The following MIS18A variants were observed in gnomAD, a reference collection of about 807,000 sequenced individuals.
The protein encoded by MIS18A is protein Mis18-alpha.
A neutral mutation model predicts 25.0 loss-of-function variants in MIS18A; 14 were observed. That is an observed-to-expected ratio of 0.56 (90% CI 0.37 to 0.88). MIS18A has a LOEUF of 0.88. Ranked by LOEUF, MIS18A falls within the 40% of genes least tolerant of loss-of-function variation. The pLI, the probability that MIS18A is intolerant of heterozygous loss-of-function variation, is 0.00. For synonymous variants in MIS18A, 134 were observed against 118.6 expected, an observed-to-expected ratio of 1.13 and a Z score of -0.84; for missense variants, 292 against 290.8, an observed-to-expected ratio of 1.00 and a Z score of -0.03.
the MIS18A span, among the ~76,000 whole-genome samples, chr21:32,157,304 A>C: frequency 1 from 138,763 of 138,802 alleles, 69,363 homozygotes; most frequent in Middle Eastern, 1. Flanking sequence ...CTCCTGACTT[A>C]GTGATCCACC....
At chr21:32,241,893 T>C in the MIS18A span, among the ~76,000 whole-genome samples, 2 of 29,582 alleles carry the variant, frequency 6.8e-5, no homozygotes, top group South Asian at 3.6e-3. Context: ...GTTGTTGTTG[T>C]TGTTGAGACG....
the MIS18A span, among the ~76,000 whole-genome samples, chr21:32,163,377 C>G: frequency 1.3e-5 from 2 of 152,222 alleles, no homozygotes; most frequent in Non-Finnish European, 1.5e-5. Context: ...TCTTTTCCAT[C>G]ACTTTAGAAA....
At chr21:32,230,537 G>A in the MIS18A span, among the ~76,000 whole-genome samples, 3 of 152,162 alleles carry the variant, frequency 2.0e-5, no homozygotes, top group Non-Finnish European at 4.4e-5. Flanking sequence ...GTTACTGAAC[G>A]GAAGGGAGTC....
the MIS18A span, among the ~76,000 whole-genome samples, chr21:32,183,711 G>T: frequency 1.3e-5 from 2 of 152,120 alleles, no homozygotes; most frequent in East Asian, 3.9e-4. Context: ...AACAATATTT[G>T]CAGATCCATC....
the MIS18A span, among the ~76,000 whole-genome samples, chr21:32,240,445 C>T: frequency 6.6e-6 from 1 of 152,208 alleles, no homozygotes; most frequent in Non-Finnish European, 1.5e-5. Context: ...TCTTGGACTT[C>T]CCAGCCTCCA....
intron 1 of MIS18A, among the ~76,000 whole-genome samples, chr21:32,275,391 A>G (rs1388236502): frequency 6.6e-6 from 1 of 152,202 alleles, no homozygotes; most frequent in Non-Finnish European, 1.5e-5. Flanking sequence ...CAGATAGTGA[A>G]ATTGGGTTCC....
the MIS18A span, among the ~76,000 whole-genome samples, chr21:32,194,552 G>A: frequency 6.6e-6 from 1 of 151,934 alleles, no homozygotes; most frequent in Non-Finnish European, 1.5e-5. Context: ...CCAGCTACTC[G>A]GGAGGCTGAG....
At chr21:32,265,566 C>T (rs936672713), downstream of MIS18A, among the ~76,000 whole-genome samples, 6 of 152,238 alleles carry the variant, frequency 3.9e-5, no homozygotes, top group African/African-American at 1.2e-4. Context: ...GCTGCCTTCC[C>T]GCGGGGCAGG....
rs1325241970 is a variant in MIS18A, at chr21:32,274,870, T to C, written c.361A>G (p.Lys121Glu). 7 of 1,612,848 alleles carry C rather than the reference T, an allele frequency of 4.3e-6. No individual in the cohort carries two copies. Among genetic ancestry groups the C allele is most frequent in the Non-Finnish European group, 5.9e-6 (7 of 1,179,208 alleles). The change falls in exon 2 of 5, where the codon AAG (lysine) becomes GAG (glutamate). Residue 121 changes from lysine to glutamate, a missense_variant. Transcript: ENST00000290130. ...RCVSCNVSVDKEQKLSKREKE... is the reference protein window; with the variant it reads ...RCVSCNVSVDEEQKLSKREKE... The stretch of plus-strand genomic sequence containing the variant: ...TCACGTTTGGATAGCTTCTGTTCCT[T>C]ATCCACAGAAACATTACAGGAAACA...
the MIS18A span, among the ~76,000 whole-genome samples, chr21:32,194,798 C>G: frequency 2.0e-5 from 3 of 152,130 alleles, no homozygotes; most frequent in African/African-American, 7.2e-5. Flanking sequence ...AAACAGAAAG[C>G]CAAAAACTGC....
chr21:32,173,525 CA>C, the MIS18A span, among the ~76,000 whole-genome samples: 1 of 151,852 alleles, frequency 6.6e-6, no homozygotes, highest in East Asian at 1.9e-4. Flanking sequence ...TTATAATAGC[CA>C]AAAAGTGGAA....
the MIS18A span, among the ~76,000 whole-genome samples, chr21:32,237,057 C>G: frequency 6.6e-6 from 1 of 151,024 alleles, no homozygotes; most frequent in Non-Finnish European, 1.5e-5. Flanking sequence ...CAACACCCCC[C>G]ACCCCCGCCC....
chr21:32,259,087 C>G, the MIS18A span, among the ~76,000 whole-genome samples: 2 of 152,160 alleles, frequency 1.3e-5, no homozygotes, highest in South Asian at 4.1e-4. Flanking sequence ...TCGCCCAGGC[C>G]AGTCTCGAAC....
chr21:32,161,008 G>A, the MIS18A span, among the ~76,000 whole-genome samples: 1 of 152,134 alleles, frequency 6.6e-6, no homozygotes, highest in Non-Finnish European at 1.5e-5. Context: ...TGAGCAGAGG[G>A]GTAATTTTAA....
At position 32,270,505 on chromosome 21, in the gene MIS18A, C is replaced by A; in HGVS notation, c.426G>T (p.Ala142=). 4 of 1,597,508 alleles carry A rather than the reference C, an allele frequency of 2.5e-6. No individual in the cohort carries two copies. Among genetic ancestry groups the A allele is most frequent in the Non-Finnish European group, 3.4e-6 (4 of 1,174,008 alleles). The change falls in exon 3 of 5, where the codon GCG becomes GCT. Residue 142 remains alanine, a synonymous_variant. Transcript: ENST00000290130. ...NGCVLETLCC[A]GCSLNLGYVY... is the part of the protein sequence containing the mutation. ...CGTAGCCAAGATTGAGTGAGCACCC[C>A]GCGCAGCACAAAGTCTCAAGGACGC...
chr21:32,159,833 T>A, the MIS18A span, among the ~76,000 whole-genome samples: 1 of 152,224 alleles, frequency 6.6e-6, no homozygotes. Flanking sequence ...CAGAAAGGAA[T>A]GCTCAGGTGA....
At chr21:32,182,419 A>C in the MIS18A span, among the ~76,000 whole-genome samples, 1 of 152,228 alleles carries the variant, frequency 6.6e-6, no homozygotes. Context: ...AAACACACAC[A>C]AAAGGGCTGG....
chr21:32,206,354 C>T, the MIS18A span, among the ~76,000 whole-genome samples: 1 of 152,116 alleles, frequency 6.6e-6, no homozygotes, highest in Non-Finnish European at 1.5e-5. Flanking sequence ...CTCCAACTCC[C>T]TAGACTTCTA....
At chr21:32,181,540 C>T in the MIS18A span, among the ~76,000 whole-genome samples, 1 of 152,112 alleles carries the variant, frequency 6.6e-6, no homozygotes, top group Admixed American at 6.5e-5. Context: ...CACTGCTTAC[C>T]AGCATGGGTC....
Sources: allele counts gnomAD v4.1 joint callset (sites outside exome capture counted in the v4.1 genomes callset), GRCh38; gene constraint gnomAD v4.1.1; transcripts MANE v1.5; gene names NCBI Gene and HGNC (gene_info 2026-07-23, HGNC 2026-07-21).